The following PHF21B variants were observed in gnomAD, a reference collection of about 807,000 sequenced individuals.
PHF21B encodes the protein PHD finger protein 4.
PHF21B carries 22 observed loss-of-function variants against 62.2 expected under a neutral mutation model. The observed-to-expected ratio is 0.35, with a 90% CI of 0.25 to 0.51. PHF21B has a LOEUF of 0.51. Among genes scored for constraint, PHF21B ranks in the 20% least tolerant of loss-of-function variants. The pLI is 0.97. For synonymous variants in PHF21B, 341 were observed against 314.7 expected (o/e 1.08, Z -0.88); for missense variants, 701 against 707.9 (o/e 0.99, Z 0.11).
intron 2 of PHF21B, among the ~76,000 whole-genome samples, chr22:44,933,180 C>T (rs1223769515): frequency 6.6e-6 from 1 of 150,650 alleles, no homozygotes; most frequent in African/African-American, 2.4e-5. Context: ...TGGCACATCT[C>T]GGCTTGCTGC....
intron 5 of PHF21B, among the ~76,000 whole-genome samples, chr22:44,911,800 G>A (rs545235033): frequency 1.3e-5 from 2 of 152,350 alleles, no homozygotes; most frequent in East Asian, 1.9e-4. Context: ...CTGGCTAGTG[G>A]AGCTATGAGA....
rs5766149 is a variant in PHF21B at position 44,881,822 on chromosome 22, A to G, written c.*1264T>C. On this transcript the variant is annotated 3_prime_UTR_variant, in exon 13 of 13. Transcript: ENST00000313237. ...CAGGACTGGGATGTGGGAATCGGGCAAGGGTGACAAGCTGCCACTGCCCAC... is the reference window on the plus strand; with the variant it reads ...CAGGACTGGGATGTGGGAATCGGGCGAGGGTGACAAGCTGCCACTGCCCAC... The G allele has an allele frequency of 0.62, 94,619 of 152,554 alleles. 29,501 individuals carry two copies. Among genetic ancestry groups the G allele is most frequent in the African/African-American group, 0.69 (28,701 of 41,484 alleles). 9.5% of individuals were successfully genotyped at this position (152,554 alleles called of 1,614,324 possible). A position where few individuals can be genotyped will look rare whatever the true frequency, so the allele number is the denominator to read the frequency against.
In PHF21B at chr22:45,009,180, C is replaced by T. The variant is rs1601709462; in HGVS notation, c.54+316G>A. On this transcript the variant is annotated intron_variant, in intron 1 of 12. Coordinates refer to ENST00000313237, the MANE Select transcript of PHF21B (RefSeq NM_138415.5). The surrounding 1 kb of genome is among the most constrained non-coding windows in gnomAD (Gnocchi z 5.9). ...GGGGGCCTATTCGCACTCCCCTCCC[C>T]GGGACCGGCTCACGAAGGGGCCCCC... 3 of 441,640 alleles carry T rather than the reference C, an allele frequency of 6.8e-6. No individual in the cohort carries two copies. In the East Asian group the frequency reaches 1.3e-4, roughly 19 times the overall value. 27.4% of individuals were successfully genotyped at this position (441,640 alleles called of 1,614,324 possible).
At chr22:44,934,877 G>A (rs991725490) in intron 2 of PHF21B, among the ~76,000 whole-genome samples, 1 of 152,182 alleles carries the variant, frequency 6.6e-6, no homozygotes, top group Admixed American at 6.5e-5. Context: ...CCCACCGAAA[G>A]CTCAGCAGGC....
chr22:44,988,098 T>C lies in PHF21B; in HGVS notation c.120+20447A>G, dbSNP rs146304846. Reference sequence around the variant, plus strand: ...TAGGAAGCAGAGCCTAGGGAGAACATCTTTGTGGAATACCATGAACTAATA... The same window carrying C: ...TAGGAAGCAGAGCCTAGGGAGAACACCTTTGTGGAATACCATGAACTAATA... On this transcript the variant is annotated intron_variant, in intron 2 of 12. Transcript: ENST00000313237. Among the ~76,000 whole-genome samples, 4 of 152,282 alleles carry C rather than the reference T, an allele frequency of 2.6e-5. No individual in the cohort carries two copies. The East Asian group carries it at 7.7e-4, about 29-fold the overall frequency.
At chr22:44,963,178 A>T (rs2072458644) in intron 2 of PHF21B, among the ~76,000 whole-genome samples, 1 of 152,230 alleles carries the variant, frequency 6.6e-6, no homozygotes, top group East Asian at 1.9e-4. Context: ...TTCTGGGAAC[A>T]GAGGGGAAAC....
Position 44,887,945 on chromosome 22 carries a change from TC to T in PHF21B, c.1197+17del. On this transcript the variant is annotated intron_variant, in intron 10 of 12. Transcript: ENST00000313237. Reference sequence around the variant, plus strand: ...TCCATGCCAGTCTGGGGTGAGGGGGTCACACAGCCTCCTGTACCTTCTGCTG... The same window carrying T: ...TCCATGCCAGTCTGGGGTGAGGGGGTACACAGCCTCCTGTACCTTCTGCTG... 6.9e-7 allele frequency: 1 copy of T among 1,448,244 alleles called. No individual in the cohort carries two copies. The highest frequency in any genetic ancestry group is 9.1e-7 in the Non-Finnish European group (1 of 1,094,272). 89.7% of individuals were successfully genotyped at this position (1,448,244 alleles called of 1,614,324 possible). A position where few individuals can be genotyped will look rare whatever the true frequency, so the allele number is the denominator to read the frequency against.
chr22:44,921,758 A>C (rs2071542331), intron 2 of PHF21B, among the ~76,000 whole-genome samples: 1 of 151,474 alleles, frequency 6.6e-6, no homozygotes, highest in Non-Finnish European at 1.5e-5. Context: ...TCCTAGGTTC[A>C]AGTGATTCTC....
intron 9 of PHF21B, among the ~76,000 whole-genome samples, chr22:44,888,407 C>T (rs1301061114): frequency 6.6e-6 from 1 of 152,138 alleles, no homozygotes; most frequent in Non-Finnish European, 1.5e-5. Context: ...TAACCTGATT[C>T]TTCTGTGCTA....
In PHF21B at chr22:44,999,443, T is replaced by C. The variant is rs571269981; in HGVS notation, c.120+9102A>G. On this transcript the variant is annotated intron_variant, in intron 2 of 12. Coordinates refer to ENST00000313237, the MANE Select transcript of PHF21B (RefSeq NM_138415.5). The stretch of plus-strand genomic sequence containing the variant: ...ACCGAGGCCCCGGCCAGCCACACAC[T>C]CCCCGGTGCTAAGCCAACAGCCAGG... Among the ~76,000 whole-genome samples the C allele has an allele frequency of 1.0e-3, 155 of 151,506 alleles. 1 individual carries two copies. The highest frequency in any genetic ancestry group is 3.7e-3 in the African/African-American group (154 of 41,258).
At chr22:44,954,627 C>T (rs2072258216) in intron 2 of PHF21B, among the ~76,000 whole-genome samples, 1 of 152,258 alleles carries the variant, frequency 6.6e-6, no homozygotes, top group Non-Finnish European at 1.5e-5. Flanking sequence ...CATCTGGCCT[C>T]TCTTGAGCAA....
At chr22:44,976,051 G>A (rs1648559049) in intron 2 of PHF21B, among the ~76,000 whole-genome samples, 1 of 152,184 alleles carries the variant, frequency 6.6e-6, no homozygotes, top group African/African-American at 2.4e-5. Context: ...CACACCTGTA[G>A]TCCCAGCTAC....
chr22:44,968,757 T>C (rs903987991), intron 2 of PHF21B, among the ~76,000 whole-genome samples: 1 of 152,096 alleles, frequency 6.6e-6, no homozygotes, highest in Non-Finnish European at 1.5e-5. Context: ...AACCCCAAAA[T>C]CCAAAATCCA....
At chr22:44,961,282 T>C (rs898419492) in intron 2 of PHF21B, among the ~76,000 whole-genome samples, 12 of 151,976 alleles carry the variant, frequency 7.9e-5, no homozygotes, top group Non-Finnish European at 1.6e-4. Context: ...TCAACTTTTA[T>C]TTTAGATTCA....
At chr22:44,991,445 C>A (rs2073041074) in intron 2 of PHF21B, among the ~76,000 whole-genome samples, 1 of 152,098 alleles carries the variant, frequency 6.6e-6, no homozygotes, top group South Asian at 2.1e-4. Flanking sequence ...GACAGGCAGA[C>A]TTGTGACAGA....
At chr22:44,964,518 GAGA>G (rs2072488205) in intron 2 of PHF21B, among the ~76,000 whole-genome samples, 2 of 152,212 alleles carry the variant, frequency 1.3e-5, no homozygotes, top group African/African-American at 4.8e-5. Flanking sequence ...GACTCGGCAG[GAGA>G]AGATTTTACT....
intron 2 of PHF21B, among the ~76,000 whole-genome samples, chr22:44,931,058 C>G (rs1196111246): frequency 2.0e-5 from 3 of 152,188 alleles, no homozygotes; most frequent in Non-Finnish European, 4.4e-5. Context: ...GAGTCATTTT[C>G]TTTCTTTCTT....
At chr22:44,961,646 G>C (rs1168686686) in intron 2 of PHF21B, among the ~76,000 whole-genome samples, 1 of 152,016 alleles carries the variant, frequency 6.6e-6, no homozygotes, top group East Asian at 1.9e-4. Flanking sequence ...TTCAAGACCA[G>C]CCTGGTCAAC....
At chr22:44,939,232 C>T (rs2071908082) in intron 2 of PHF21B, among the ~76,000 whole-genome samples, 1 of 152,178 alleles carries the variant, frequency 6.6e-6, no homozygotes, top group Non-Finnish European at 1.5e-5. Context: ...AGCTGCACGA[C>T]CCATAGAGGC....
Sources: allele counts gnomAD v4.1 joint callset (sites outside exome capture counted in the v4.1 genomes callset), GRCh38; gene constraint gnomAD v4.1.1; non-coding constraint Gnocchi (gnomAD v3.1); transcripts MANE v1.5; gene names NCBI Gene and HGNC (gene_info 2026-07-23, HGNC 2026-07-21).